CAST: variants seen among roughly 807,000 people sequenced by gnomAD.
CAST encodes the protein MIR583 host.
In CAST, 76 loss-of-function variants were observed where a neutral mutation model predicts 119.6. The observed-to-expected ratio is 0.64, with a 90% CI of 0.53 to 0.77. The LOEUF (loss-of-function observed/expected upper bound fraction) is 0.77, where lower values mean the gene tolerates loss of function less well. Among genes scored for constraint, CAST ranks in the 30% least tolerant of loss-of-function variants. The probability of loss-of-function intolerance (pLI) is 0.00; values close to 1 mark genes in which losing one functional copy is unlikely to be tolerated. For missense variants in CAST, 953 were observed against 946.5 expected, an observed-to-expected ratio of 1.01 and a Z score of -0.09; for synonymous variants, 319 against 331.6, an observed-to-expected ratio of 0.96 and a Z score of 0.41.
At chr5:96,031,920 T>C in the CAST span, among the ~76,000 whole-genome samples, 1 of 152,158 alleles carries the variant, frequency 6.6e-6, no homozygotes, top group Non-Finnish European at 1.5e-5. Flanking sequence ...AGACATCAGC[T>C]AGGACTGCAG....
the CAST span, among the ~76,000 whole-genome samples, chr5:96,480,648 C>G: frequency 6.6e-6 from 1 of 152,136 alleles, no homozygotes; most frequent in East Asian, 1.9e-4. Flanking sequence ...AAGAAACTAG[C>G]AGAGGACAAG....
At chr5:96,428,655 T>A in the CAST span, among the ~76,000 whole-genome samples, 3 of 152,166 alleles carry the variant, frequency 2.0e-5, no homozygotes, top group East Asian at 3.8e-4. Context: ...TATGGAAACA[T>A]TTGCCTCATG....
At chr5:96,588,782 C>G (rs1580836631) in intron 1 of CAST, among the ~76,000 whole-genome samples, 1 of 152,138 alleles carries the variant, frequency 6.6e-6, no homozygotes, top group East Asian at 1.9e-4. Context: ...TTCACTTTGT[C>G]CCATGATTTC....
chr5:96,519,817 G>A, the CAST span, among the ~76,000 whole-genome samples: 18 of 152,232 alleles, frequency 1.2e-4, no homozygotes, highest in African/African-American at 3.9e-4. Context: ...ATGTTGGCCA[G>A]CCTGGTCTCA....
chr5:96,712,789 A>G (rs1290003540), intron 3 of CAST, among the ~76,000 whole-genome samples: 4 of 152,192 alleles, frequency 2.6e-5, no homozygotes, highest in African/African-American at 7.2e-5. Context: ...TTATTTGACA[A>G]TCAGCTTGGA....
the CAST span, among the ~76,000 whole-genome samples, chr5:96,445,108 G>A: frequency 6.6e-6 from 1 of 152,194 alleles, no homozygotes; most frequent in African/African-American, 2.4e-5. Flanking sequence ...CAAGAACCCT[G>A]AGGACTGCAC....
At chr5:96,478,510 G>T in the CAST span, among the ~76,000 whole-genome samples, 2 of 152,178 alleles carry the variant, frequency 1.3e-5, no homozygotes, top group Non-Finnish European at 2.9e-5. Context: ...TTCTCTGGAA[G>T]GTCAACAGTC....
At chr5:96,061,094 C>A in the CAST span, among the ~76,000 whole-genome samples, 1 of 152,060 alleles carries the variant, frequency 6.6e-6, no homozygotes, top group African/African-American at 2.4e-5. Flanking sequence ...TCCTTAGATG[C>A]CCCATCTGCA....
chr5:96,683,381 A>G (rs1417428601), intron 2 of CAST, among the ~76,000 whole-genome samples: 1 of 152,246 alleles, frequency 6.6e-6, no homozygotes, highest in African/African-American at 2.4e-5. Flanking sequence ...ATGAAAAAAT[A>G]GAAACTTCTA....
At chr5:96,629,165 G>A (rs1215621487) in intron 1 of CAST, among the ~76,000 whole-genome samples, 1 of 152,232 alleles carries the variant, frequency 6.6e-6, no homozygotes, top group Non-Finnish European at 1.5e-5. Flanking sequence ...ATGGATCAAT[G>A]TTGTTATCCT....
intron 1 of CAST, among the ~76,000 whole-genome samples, chr5:96,643,122 A>G (rs964481171): frequency 2.0e-5 from 3 of 152,148 alleles, no homozygotes; most frequent in Non-Finnish European, 2.9e-5. Flanking sequence ...AACGTTCACA[A>G]TGGAATGTGG....
the CAST span, among the ~76,000 whole-genome samples, chr5:96,189,760 A>G: frequency 1.3e-5 from 2 of 152,122 alleles, no homozygotes; most frequent in Non-Finnish European, 2.9e-5. Context: ...GCATTGGAAA[A>G]AACTTTTAAC....
intron 2 of CAST, among the ~76,000 whole-genome samples, chr5:96,681,328 T>A (rs1287767085): frequency 5.3e-5 from 8 of 152,234 alleles, no homozygotes; most frequent in Admixed American, 6.5e-5. Flanking sequence ...TTTTCTGGCT[T>A]TTTGTGCTTC....
chr5:95,991,394 G>A, the CAST span, among the ~76,000 whole-genome samples: 1 of 150,148 alleles, frequency 6.7e-6, no homozygotes, highest in Non-Finnish European at 1.5e-5. Context: ...TAATAAATTT[G>A]TCTGTTTTTT....
the CAST span, among the ~76,000 whole-genome samples, chr5:96,006,538 G>A: frequency 4.4e-3 from 665 of 152,276 alleles, 5 homozygotes; most frequent in African/African-American, 0.015. Flanking sequence ...CAGGGGAGTG[G>A]TAGTCCTATT....
At chr5:96,673,184 A>C (rs1750321306) in intron 1 of CAST, among the ~76,000 whole-genome samples, 2 of 152,234 alleles carry the variant, frequency 1.3e-5, no homozygotes, top group Admixed American at 1.3e-4. Flanking sequence ...AATATGAATT[A>C]CAGATTATGG....
chr5:96,490,380 G>GTGTGTGTA, the CAST span, among the ~76,000 whole-genome samples: 1 of 150,988 alleles, frequency 6.6e-6, no homozygotes, highest in Non-Finnish European at 1.5e-5. Context: ...GTGTGTGTGT[G>GTGTGTGTA]TATGTAAACA....
At position 96,534,843 on chromosome 5, in the gene CAST, A is replaced by G. The variant is rs976667564; in HGVS notation, c.60+4963A>G. ...AAGAAAAGAAAGAAGGAAAGAAGGA[A>G]GGAAGGAGGGAGGGAGGGAAGGAAG... On this transcript the variant is annotated intron_variant, in intron 1 of 11. Coordinates refer to the CAST transcript ENST00000505143. Among the ~76,000 whole-genome samples the G allele has an allele frequency of 9.0e-5, 12 of 133,152 alleles. No homozygotes were observed. The East Asian group carries it at 9.8e-4, about 11-fold the overall frequency. 87.4% of individuals were successfully genotyped at this position (133,152 alleles called of 152,430 possible). A position where few individuals can be genotyped will look rare whatever the true frequency, so the allele number is the denominator to read the frequency against.
chr5:96,144,741 C>T, the CAST span, among the ~76,000 whole-genome samples: 4 of 151,450 alleles, frequency 2.6e-5, no homozygotes, highest in African/African-American at 9.7e-5. Context: ...GATCTCGGCT[C>T]ACTACAACCT....
Sources: gnomAD v4.1 joint callset for allele counts (sites outside exome capture counted in the v4.1 genomes callset) on GRCh38, gnomAD v4.1.1 for gene constraint, MANE v1.5 for transcripts, NCBI Gene and HGNC (gene_info 2026-07-23, HGNC 2026-07-21) for gene names.